CEP41: variants seen among roughly 807,000 people sequenced by gnomAD.
CEP41 encodes the protein centrosomal protein 41.
CEP41 carries 32 observed loss-of-function variants against 44.3 expected under a neutral mutation model. That is an observed-to-expected ratio of 0.72 (90% CI 0.54 to 0.97). The LOEUF (loss-of-function observed/expected upper bound fraction) is 0.97, where lower values mean the gene tolerates loss of function less well. CEP41 is among the 50% of genes least tolerant of loss of function. The pLI is 0.00. For missense variants in CEP41, 432 were observed against 455.2 expected (o/e 0.95, Z 0.46); for synonymous variants, 151 against 168.5 (o/e 0.90, Z 0.80).
rs1796889820 is a variant in CEP41 at position 130,402,717 on chromosome 7, G to C, written c.505C>G (p.Pro169Ala). The C allele has an allele frequency of 1.2e-6, 2 of 1,614,152 alleles. No homozygotes were observed. The highest frequency in any genetic ancestry group is 2.2e-5 in the East Asian group (1 of 44,882). The change falls in exon 7 of 11, where the codon CCT becomes GCT. Residue 169 changes from proline to alanine, a missense_variant. Transcript: ENST00000223208. ...AEPHTKDKPY[P>A]DCPFLLLDVR... ...TCTAGCAGCAGGAAGGGGCAGTCAG[G>C]ATAAGGTTTGTCTTTGGTATGGGGC... is the stretch of plus-strand genomic sequence containing the variant.
Position 130,417,299 on chromosome 7 carries a change from C to A in CEP41, c.98-333G>T, listed in dbSNP as rs1389013935. The A allele has an allele frequency of 4.4e-6, 5 of 1,123,738 alleles. No individual in the cohort carries two copies. In the East Asian group the frequency reaches 2.6e-4, roughly 59 times the overall value. The allele number at this position is 1,123,738 out of a possible 1,614,324, so 69.6% of individuals were successfully genotyped here. On this transcript the variant is annotated intron_variant, in intron 2 of 10. Transcript: ENST00000223208. ...TTCCTCCTCCTTTTATCTCCCCTGC[C>A]CCCGCTGACGATCTTTTTGTGGGGA...
chr7:130,397,308 G>T lies in CEP41; in HGVS notation c.*1583C>A. ...GAAAATTGGGCATGGCTTGACATCT[G>T]AACAATGTCCCTGGTTTGTTTGATT... On this transcript the variant is annotated 3_prime_UTR_variant, in exon 11 of 11. Transcript: ENST00000223208. 2.2e-6 allele frequency: 1 copy of T among 454,446 alleles called. No homozygotes were observed. The highest frequency in any genetic ancestry group is 4.4e-6 in the Non-Finnish European group (1 of 226,776). 28.2% of individuals were successfully genotyped at this position (454,446 alleles called of 1,614,324 possible). A position where few individuals can be genotyped will look rare whatever the true frequency, so the allele number is the denominator to read the frequency against.
At chr7:130,428,865 C>T (rs1042868770) in intron 1 of CEP41, among the ~76,000 whole-genome samples, 10 of 150,358 alleles carry the variant, frequency 6.7e-5, no homozygotes, top group African/African-American at 2.2e-4. Flanking sequence ...GAGCGGAGAT[C>T]GTGCCACTGC....
chr7:130,415,973 A>T (rs1233753247), intron 3 of CEP41, among the ~76,000 whole-genome samples: 2 of 152,228 alleles, frequency 1.3e-5, no homozygotes, highest in East Asian at 3.8e-4. Flanking sequence ...GGCAAATGAA[A>T]ACACAGCATA....
chr7:130,419,244 T>C (rs1797425580), intron 2 of CEP41: 14 of 985,240 alleles, frequency 1.4e-5, no homozygotes, highest in Admixed American at 6.1e-5. Flanking sequence ...CTTTTCACTA[T>C]AGACATTCAT....
chr7:130,430,334 C>T (rs1347249358), intron 1 of CEP41, among the ~76,000 whole-genome samples: 3 of 152,008 alleles, frequency 2.0e-5, no homozygotes, highest in Non-Finnish European at 4.4e-5. Context: ...CATTAAAAAC[C>T]ATTCATGACA....
intron 2 of CEP41, chr7:130,419,269 G>A (rs1554421574): frequency 4.1e-6 from 4 of 985,004 alleles, no homozygotes; most frequent in Non-Finnish European, 4.8e-6. Context: ...TCCAAGAATG[G>A]GGAAAAAAGG....
chr7:130,414,671 C>T, intron 3 of CEP41, among the ~76,000 whole-genome samples: 1 of 152,220 alleles, frequency 6.6e-6, no homozygotes, highest in East Asian at 1.9e-4. Flanking sequence ...TGAACCTGAA[C>T]TCCACGTACC....
chr7:130,399,689 G>A (rs1162543933), intron 10 of CEP41: 6 of 258,806 alleles, frequency 2.3e-5, no homozygotes, highest in South Asian at 9.5e-5. Context: ...GTGTGGTGGC[G>A]GGCACCTGTA....
chr7:130,424,563 T>C (rs1301953728), intron 2 of CEP41, among the ~76,000 whole-genome samples: 2 of 152,068 alleles, frequency 1.3e-5, no homozygotes, highest in African/African-American at 4.8e-5. Context: ...CCCACGTAAA[T>C]ATGCCCAACT....
chr7:130,404,949 A>G (rs1218353151), intron 5 of CEP41, among the ~76,000 whole-genome samples: 1 of 152,182 alleles, frequency 6.6e-6, no homozygotes, highest in Non-Finnish European at 1.5e-5. Context: ...TACTGTGTTT[A>G]TATTTGCACT....
chr7:130,398,879 G>A lies in CEP41; in HGVS notation c.*12C>T, dbSNP rs782549238. 1 of 1,614,124 alleles carries A rather than the reference G, an allele frequency of 6.2e-7. No individual in the cohort carries two copies. The highest frequency in any genetic ancestry group is 2.2e-5 in the East Asian group (1 of 44,884). On this transcript the variant is annotated 3_prime_UTR_variant, in exon 11 of 11. Transcript: ENST00000223208. The stretch of plus-strand genomic sequence containing the variant: ...AGGAAGAACATTTATTTGCCTAAGT[G>A]AGACAAAGTCTTTACTTCCAGGGTT...
rs1797354004 is a variant in CEP41 at position 130,416,910 on chromosome 7, GTTAC to G, written c.145+5_145+8del. 2 of 1,579,414 alleles carry G rather than the reference GTTAC, an allele frequency of 1.3e-6. No individual in the cohort carries two copies. Among genetic ancestry groups the G allele is most frequent in the South Asian group, 1.1e-5 (1 of 90,356 alleles). ...TCCACTCTCCCAAACCATCAAGAGT[GTTAC>G]TTACTTTTCTTAATCTCTTCGAGCT... On this transcript the variant is annotated splice_donor_5th_base_variant and intron_variant, in intron 3 of 10. Coordinates refer to ENST00000223208, the MANE Select transcript of CEP41 (RefSeq NM_018718.3).
rs535299613 is a variant in CEP41, at chr7:130,394,526, C to T, written c.*4365G>A. 224 of 454,060 alleles carry T rather than the reference C, an allele frequency of 4.9e-4. 2 individuals are homozygous for T. The highest frequency in any genetic ancestry group is 3.4e-3 in the South Asian group (219 of 64,474). The allele number at this position is 454,060 out of a possible 1,614,324, so 28.1% of individuals were successfully genotyped here. On this transcript the variant is annotated 3_prime_UTR_variant, in exon 11 of 11. Transcript: ENST00000223208. ...TTTGCGTGCTGAATTTGGGAGGATA[C>T]TTTAAGCCTGGCAGAGACAGGGTAA...
intron 1 of CEP41, among the ~76,000 whole-genome samples, chr7:130,430,798 T>C (rs1797802334): frequency 3.9e-5 from 6 of 152,202 alleles, no homozygotes; most frequent in Admixed American, 3.9e-4. Context: ...GTTTTTACTT[T>C]TGTTTTGTTT....
At chr7:130,436,814 A>G (rs1797979057) in intron 1 of CEP41, among the ~76,000 whole-genome samples, 1 of 152,168 alleles carries the variant, frequency 6.6e-6, no homozygotes, top group Non-Finnish European at 1.5e-5. Flanking sequence ...CAGCAGGTGG[A>G]TGGCTTGAAG....
intron 2 of CEP41, chr7:130,419,832 G>A: frequency 1.0e-6 from 1 of 985,330 alleles, no homozygotes; most frequent in South Asian, 4.7e-5. Flanking sequence ...TCAGCAGGAA[G>A]TGACCTTTCC....
At chr7:130,435,466 G>A (rs919137376) in intron 1 of CEP41, among the ~76,000 whole-genome samples, 11 of 152,130 alleles carry the variant, frequency 7.2e-5, no homozygotes, top group Non-Finnish European at 1.3e-4. Flanking sequence ...GAGGATATAT[G>A]GATGACAGAT....
intron 2 of CEP41, chr7:130,426,707 G>A: frequency 2.2e-6 from 1 of 454,366 alleles, no homozygotes; most frequent in South Asian, 1.6e-5. Context: ...AAGAGCTGAG[G>A]GTTTTTGTGG....
Sources: allele counts gnomAD v4.1 joint callset (sites outside exome capture counted in the v4.1 genomes callset), GRCh38; gene constraint gnomAD v4.1.1; transcripts MANE v1.5; gene names NCBI Gene and HGNC (gene_info 2026-07-23, HGNC 2026-07-21).